Variants in RANBP3 observed in about 807,000 individuals in gnomAD.
RANBP3 encodes the protein RAN binding protein 3.
RANBP3 carries 14 observed loss-of-function variants against 77.3 expected under a neutral mutation model. The observed-to-expected ratio is 0.18, with a 90% CI of 0.12 to 0.28. The LOEUF (loss-of-function observed/expected upper bound fraction) is 0.28. Ranked by LOEUF, RANBP3 falls within the 10% of genes least tolerant of loss-of-function variation. RANBP3 has a pLI of 1.00. For missense variants in RANBP3, 586 were observed against 752.3 expected (o/e 0.78, Z 2.59); for synonymous variants, 315 against 312.4 (o/e 1.01, Z -0.09).
intron 8 of RANBP3, 80 bp downstream of exon 8, chr19:5,931,308 TGACAGCGTGTGGACTC>T: frequency 7.0e-7 from 1 of 1,431,626 alleles, no homozygotes; most frequent in Non-Finnish European, 9.4e-7. Flanking sequence ...TTGGAACAGG[TGACAGCGTGTGGACTC>T]CACAGCATGC....
Position 5,925,735 on chromosome 19 carries a change from C to T in RANBP3, c.816G>A (p.Leu272=). Residue 272 remains leucine, a splice_region_variant and synonymous_variant, in exon 10 of 17, where the codon CTG becomes CTA. Coordinates refer to ENST00000340578, the MANE Select transcript of RANBP3 (RefSeq NM_007322.3). ...FGQNLRDRVK[L]INESVDEADM... ...CGGCTTCGTCCACGCTCTCATTTAT[C>T]AGCTGGGAATGAGACGGAGCGCTCA... 6.2e-7 allele frequency: 1 copy of T among 1,613,366 alleles called. No individual in the cohort carries two copies. The highest frequency in any genetic ancestry group is 8.5e-7 in the Non-Finnish European group (1 of 1,179,590).
chr19:5,925,576 G>A (rs2057894320), intron 10 of RANBP3, 58 bp downstream of exon 10: 2 of 1,481,410 alleles, frequency 1.4e-6, no homozygotes, highest in Admixed American at 1.7e-5. Context: ...TCTGGCAGAA[G>A]CCCTCGCGGC....
intron 2 of RANBP3, among the ~76,000 whole-genome samples, chr19:5,955,967 G>A (rs1169204593): frequency 6.6e-6 from 1 of 152,172 alleles, no homozygotes; most frequent in South Asian, 2.1e-4. Flanking sequence ...AAATTAGCCA[G>A]GTGTGGTGGT....
intron 1 of RANBP3, among the ~76,000 whole-genome samples, chr19:5,974,854 C>T (rs2058571292): frequency 6.6e-6 from 1 of 152,092 alleles, no homozygotes; most frequent in Non-Finnish European, 1.5e-5. Context: ...GGAAAGTTCC[C>T]CAGGGGGTAC....
At chr19:5,942,777 T>C (rs2058155782) in intron 3 of RANBP3, among the ~76,000 whole-genome samples, 1 of 151,442 alleles carries the variant, frequency 6.6e-6, no homozygotes, top group Non-Finnish European at 1.5e-5. Flanking sequence ...CCCAGCACTT[T>C]GGGAAGCTGA....
intron 8 of RANBP3, among the ~76,000 whole-genome samples, chr19:5,930,086 C>G (rs537489606): frequency 6.6e-6 from 1 of 152,256 alleles, no homozygotes; most frequent in Non-Finnish European, 1.5e-5. Flanking sequence ...AGCCTGTGCA[C>G]TCACCATCGG....
At position 5,928,269 on chromosome 19, in the gene RANBP3, TGA is replaced by T. The variant is rs1206650154; in HGVS notation, c.694-184_694-183del. 6 of 639,978 alleles carry T rather than the reference TGA, an allele frequency of 9.4e-6. No homozygotes were observed. In the Admixed American group the frequency reaches 1.0e-4, roughly 11 times the overall value. The allele number at this position is 639,978 out of a possible 1,614,324, so 39.6% of individuals were successfully genotyped here. A position where few individuals can be genotyped will look rare whatever the true frequency, so the allele number is the denominator to read the frequency against. On this transcript the variant is annotated intron_variant, in intron 8 of 16. Coordinates refer to ENST00000340578, the MANE Select transcript of RANBP3 (RefSeq NM_007322.3). ...CTTGAGCCTGGGAGTTGTAGTGAGC[TGA>T]GATCACACCACTGCACTCCAGCCTG...
chr19:5,932,219 C>T (rs1201764411), intron 7 of RANBP3, among the ~76,000 whole-genome samples: 1 of 152,200 alleles, frequency 6.6e-6, no homozygotes, highest in African/African-American at 2.4e-5. Flanking sequence ...CACACTCAGC[C>T]GAGAGCTGTG....
At chr19:5,923,073 T>A in intron 13 of RANBP3, 121 bp downstream of exon 13, 1 of 756,840 alleles carries the variant, frequency 1.3e-6, no homozygotes. Flanking sequence ...GTGGGGCCAG[T>A]GGCCCCTCCG....
rs2058361299 is a variant in RANBP3 at position 5,958,418 on chromosome 19, A to C, written c.23-445T>G. Among the ~76,000 whole-genome samples the C allele has an allele frequency of 6.6e-6, 1 of 152,260 alleles. No individual in the cohort carries two copies. The highest frequency in any genetic ancestry group is 2.4e-5 in the African/African-American group (1 of 41,466). The stretch of plus-strand genomic sequence containing the variant: ...AAGGGCCACCGCTCGCGCTGTTTGC[A>C]GACAGTTCTGGTAGAAGAATCCTAA... On this transcript the variant is annotated intron_variant, in intron 1 of 16. Coordinates refer to ENST00000340578, the MANE Select transcript of RANBP3 (RefSeq NM_007322.3). The surrounding 1 kb of genome is among the most constrained non-coding windows in gnomAD (Gnocchi z 4.4).
chr19:5,959,374 G>A lies in RANBP3; in HGVS notation c.23-1401C>T, dbSNP rs1419718237. Among the ~76,000 whole-genome samples, 1 of 152,076 alleles carries A rather than the reference G, an allele frequency of 6.6e-6. No individual in the cohort carries two copies. The highest frequency in any genetic ancestry group is 1.5e-5 in the Non-Finnish European group (1 of 67,990). On this transcript the variant is annotated intron_variant, in intron 1 of 16. Transcript: ENST00000340578. The surrounding 1 kb of genome is among the most constrained non-coding windows in gnomAD (Gnocchi z 5.1). ...AAACAGACACCATCCCACTCCTGCAGACGCAGGACAGACTCTGGTCTTGAC... is the reference window on the plus strand; with the variant it reads ...AAACAGACACCATCCCACTCCTGCAAACGCAGGACAGACTCTGGTCTTGAC...
chr19:5,950,968 A>C, intron 3 of RANBP3: 2 of 249,442 alleles, frequency 8.0e-6, no homozygotes, highest in Non-Finnish European at 1.6e-5. Context: ...GCCTCTTCCT[A>C]GATATCAAAG....
Position 5,921,144 on chromosome 19 carries a change from T to A in RANBP3, c.1330+57A>T. The A allele has an allele frequency of 1.3e-6, 2 of 1,566,530 alleles. No individual in the cohort carries two copies. Among genetic ancestry groups the A allele is most frequent in the Non-Finnish European group, 1.7e-6 (2 of 1,156,368 alleles). Reference sequence around the variant, plus strand: ...CCGCTTCATTCCCTTTGGAATTGCATAGTCCCCAGCCCTCCCCATGGGGAC... The same window carrying A: ...CCGCTTCATTCCCTTTGGAATTGCAAAGTCCCCAGCCCTCCCCATGGGGAC... On this transcript the variant is annotated intron_variant, in intron 14 of 16. Transcript: ENST00000340578. This position sits in a 1 kb window ranked among gnomAD's most constrained non-coding sequence, Gnocchi z 5.3.
chr19:5,929,978 C>A (rs889774557), intron 8 of RANBP3, among the ~76,000 whole-genome samples: 1 of 152,232 alleles, frequency 6.6e-6, no homozygotes, highest in Non-Finnish European at 1.5e-5. Flanking sequence ...TGAGAAGGGG[C>A]TGGAACCGGC....
chr19:5,962,147 A>C (rs1182219661), intron 1 of RANBP3, among the ~76,000 whole-genome samples: 1 of 152,044 alleles, frequency 6.6e-6, no homozygotes, highest in Non-Finnish European at 1.5e-5. Context: ...CCCTGCAATG[A>C]GTGTTTGAAC....
intron 2 of RANBP3, among the ~76,000 whole-genome samples, chr19:5,957,429 G>A (rs2058347715): frequency 6.6e-6 from 1 of 152,064 alleles, no homozygotes; most frequent in African/African-American, 2.4e-5. Flanking sequence ...GCAAACAAAT[G>A]AACAATTACT....
chr19:5,921,579 C>T lies in RANBP3; in HGVS notation c.1210-258G>A, dbSNP rs370513603. 1.7e-4 allele frequency among the ~76,000 whole-genome samples: 26 copies of T among 152,356 alleles called. No homozygotes were observed. The highest frequency in any genetic ancestry group is 4.6e-4 in the Admixed American group (7 of 15,308). ...AGAAGCCTCTCTGCGCACTCTAGGA[C>T]GGCTATACCCATGTGGGGAAGCTGG... On this transcript the variant is annotated intron_variant, in intron 13 of 16. Coordinates refer to ENST00000340578, the MANE Select transcript of RANBP3 (RefSeq NM_007322.3). The surrounding 1 kb of genome is among the most constrained non-coding windows in gnomAD (Gnocchi z 5.3).
intron 2 of RANBP3, among the ~76,000 whole-genome samples, chr19:5,954,385 T>G (rs747858397): frequency 2.6e-5 from 4 of 152,142 alleles, no homozygotes; most frequent in Admixed American, 6.5e-5. Flanking sequence ...TGGAGGATAT[T>G]ACTGAATTAA....
At chr19:5,927,779 G>A (rs1361970370) in intron 9 of RANBP3, among the ~76,000 whole-genome samples, 189 bp downstream of exon 9, 1 of 152,188 alleles carries the variant, frequency 6.6e-6, no homozygotes, top group African/African-American at 2.4e-5. Context: ...GGCTGCTGGT[G>A]GGGAAGTGCC....
Sources: gnomAD v4.1 joint callset for allele counts (sites outside exome capture counted in the v4.1 genomes callset) on GRCh38, gnomAD v4.1.1 for gene constraint, Gnocchi (gnomAD v3.1) non-coding constraint, MANE v1.5 for transcripts, NCBI Gene and HGNC (gene_info 2026-07-23, HGNC 2026-07-21) for gene names.